Variants in ADGRV1 observed in about 807,000 individuals in gnomAD.
ADGRV1 encodes adhesion G protein-coupled receptor V1.
ADGRV1 carries 359 observed loss-of-function variants against 596.2 expected under a neutral mutation model. The observed-to-expected ratio is 0.60, with a 90% confidence interval of 0.55 to 0.66. ADGRV1 has a LOEUF of 0.66. Among genes scored for constraint, ADGRV1 ranks in the 30% least tolerant of loss-of-function variants. The probability of loss-of-function intolerance (pLI) is 0.00; values close to 1 mark genes in which losing one functional copy is unlikely to be tolerated. For synonymous variants in ADGRV1, 2,681 were observed against 2,679.2 expected (o/e 1.00, Z -0.02); for missense variants, 7,274 against 7,575.6 (o/e 0.96, Z 1.48).
chr5:90,683,356 A>G (rs543938894), intron 27 of ADGRV1, among the ~76,000 whole-genome samples: 123 of 152,266 alleles, frequency 8.1e-4, no homozygotes, highest in African/African-American at 2.9e-3. Context: ...GACTACAGGC[A>G]TGTGCCACTG....
chr5:90,803,153 T>A (rs1346260254), intron 71 of ADGRV1, among the ~76,000 whole-genome samples: 1 of 152,034 alleles, frequency 6.6e-6, no homozygotes, highest in Non-Finnish European at 1.5e-5. Context: ...TAATTAAAAT[T>A]ATAATGAAGC....
intron 29 of ADGRV1, among the ~76,000 whole-genome samples, chr5:90,687,530 T>C (rs1403654705): frequency 6.6e-6 from 1 of 152,136 alleles, no homozygotes. Flanking sequence ...TTCAACATAG[T>C]GTTGGAAGTT....
At chr5:90,902,105 A>G (rs1176821074) in intron 83 of ADGRV1, among the ~76,000 whole-genome samples, 1 of 152,114 alleles carries the variant, frequency 6.6e-6, no homozygotes, top group Non-Finnish European at 1.5e-5. Context: ...ATTGGATGTT[A>G]TGTGTAAGGA....
chr5:91,023,260 T>G (rs1329892750), intron 85 of ADGRV1, among the ~76,000 whole-genome samples: 1 of 152,152 alleles, frequency 6.6e-6, no homozygotes, highest in East Asian at 1.9e-4. Flanking sequence ...ACAATGAGTT[T>G]TATACAAGTG....
chr5:90,698,773 G>A (rs1303970858), intron 34 of ADGRV1, among the ~76,000 whole-genome samples: 1 of 90,018 alleles, frequency 1.1e-5, no homozygotes, highest in African/African-American at 4.9e-5. Context: ...CTAAGGTGCT[G>A]GGAAAGAAAA....
At chr5:91,051,620 C>T (rs1206065747) in intron 85 of ADGRV1, among the ~76,000 whole-genome samples, 1 of 145,216 alleles carries the variant, frequency 6.9e-6, no homozygotes, top group African/African-American at 2.6e-5. Context: ...GATCTCGGCT[C>T]ACTGCAAGCA....
intron 83 of ADGRV1, among the ~76,000 whole-genome samples, chr5:90,911,902 C>T (rs1772922570): frequency 6.6e-6 from 1 of 151,990 alleles, no homozygotes; most frequent in Non-Finnish European, 1.5e-5. Flanking sequence ...ACAGATTATA[C>T]ATAGGACATA....
chr5:90,787,754 C>A (rs2150121453), intron 67 of ADGRV1, among the ~76,000 whole-genome samples: 1 of 151,938 alleles, frequency 6.6e-6, no homozygotes, highest in East Asian at 1.9e-4. Flanking sequence ...CCACGCCCGG[C>A]TAATTTTTGT....
At chr5:90,777,036 G>T (rs1343154863) in intron 61 of ADGRV1, among the ~76,000 whole-genome samples, 1 of 152,096 alleles carries the variant, frequency 6.6e-6, no homozygotes, top group Non-Finnish European at 1.5e-5. Context: ...ATAAAGAACT[G>T]CTTGAGACTG....
At position 90,675,434 on chromosome 5, in the gene ADGRV1, G is replaced by A. The variant is rs1163433067; in HGVS notation, c.5302G>A (p.Glu1768Lys). Residue 1768 changes from glutamate to lysine, a missense_variant, in exon 24 of 90, where the codon GAG (glutamate) becomes AAG (lysine). Around this residue, in one of 5 missense-constraint regions of ADGRV1, gnomAD observed 3,643 missense variants for 3,809.2 expected, o/e 0.96. Transcript: ENST00000405460. ...RTVSLTAFSPEDYQNVAGTLE... is the reference protein window; with the variant it reads ...RTVSLTAFSPKDYQNVAGTLE... ...AGTGTCCTTGACAGCATTCAGTCCTGAGGATTACCAGGTAATTTACTCAGT... is the reference window on the plus strand; with the variant it reads ...AGTGTCCTTGACAGCATTCAGTCCTAAGGATTACCAGGTAATTTACTCAGT... 2.5e-6 allele frequency: 4 copies of A among 1,613,100 alleles called. No homozygotes were observed. Among genetic ancestry groups the A allele is most frequent in the Non-Finnish European group, 3.4e-6 (4 of 1,179,490 alleles).
chr5:90,930,783 C>G (rs1775172958), intron 83 of ADGRV1, among the ~76,000 whole-genome samples: 1 of 152,036 alleles, frequency 6.6e-6, no homozygotes, highest in Non-Finnish European at 1.5e-5. Flanking sequence ...TGTTCGGTAA[C>G]AATAATTTTA....
chr5:91,141,994 A>G (rs1795138865), intron 87 of ADGRV1, among the ~76,000 whole-genome samples: 1 of 152,172 alleles, frequency 6.6e-6, no homozygotes, highest in Admixed American at 6.5e-5. Flanking sequence ...AAAAGCATTG[A>G]CCTGGCCAGG....
chr5:91,136,877 T>A (rs1794679996), intron 87 of ADGRV1, among the ~76,000 whole-genome samples: 1 of 1,564 alleles, frequency 6.4e-4, no homozygotes, highest in African/African-American at 3.6e-3. Flanking sequence ...AAATCTTTAT[T>A]TGGATTTTTT....
chr5:90,592,256 T>C (rs1311074347), intron 1 of ADGRV1, among the ~76,000 whole-genome samples: 1 of 152,208 alleles, frequency 6.6e-6, no homozygotes, highest in Non-Finnish European at 1.5e-5. Context: ...AAATGTGGTA[T>C]ATATGTTCCA....
intron 73 of ADGRV1, among the ~76,000 whole-genome samples, chr5:90,808,890 A>G (rs1450324797): frequency 1.3e-5 from 2 of 151,324 alleles, no homozygotes; most frequent in Non-Finnish European, 2.9e-5. Flanking sequence ...AGTGAGTGAG[A>G]CTCCGTATCA....
At chr5:91,131,374 A>C (rs1475038011) in intron 87 of ADGRV1, among the ~76,000 whole-genome samples, 1 of 146,358 alleles carries the variant, frequency 6.8e-6, no homozygotes, top group African/African-American at 2.5e-5. Flanking sequence ...GCATTGTTTC[A>C]TATGTTTGTT....
intron 27 of ADGRV1, among the ~76,000 whole-genome samples, chr5:90,681,976 C>G (rs985450231): frequency 1.2e-4 from 18 of 152,118 alleles, no homozygotes; most frequent in Admixed American, 1.1e-3. Context: ...AAGCGATTCT[C>G]CTGCTTCAGC....
intron 57 of ADGRV1, among the ~76,000 whole-genome samples, chr5:90,758,222 A>G (rs1236035153): frequency 6.6e-6 from 1 of 152,130 alleles, no homozygotes; most frequent in Admixed American, 6.5e-5. Flanking sequence ...AGTCCCAGCT[A>G]TTCCGGCGAC....
chr5:91,052,257 A>T (rs13154941), intron 85 of ADGRV1, among the ~76,000 whole-genome samples: 23 of 151,884 alleles, frequency 1.5e-4, no homozygotes, highest in Non-Finnish European at 3.4e-4. Context: ...AGGTTGTGTG[A>T]TAGCCTGATA....
Sources: allele counts gnomAD v4.1 joint callset (sites outside exome capture counted in the v4.1 genomes callset), GRCh38; gene constraint gnomAD v4.1.1; regional missense constraint gnomAD v4.1.1; transcripts MANE v1.5; gene names NCBI Gene and HGNC (gene_info 2026-07-23, HGNC 2026-07-21).